Variants in RSRC1 observed in about 807,000 individuals in gnomAD.
RSRC1 encodes serine/Arginine-related protein 53.
Under a neutral mutation model 49.1 loss-of-function variants are expected in RSRC1, and 39 were observed. The observed-to-expected ratio is 0.79, with a 90% CI of 0.61 to 1.04. The LOEUF is 1.04. Ranked by LOEUF, RSRC1 falls within the 50% of genes least tolerant of loss-of-function variation. RSRC1 has a pLI of 0.00. For missense variants in RSRC1, 388 were observed against 402.4 expected (o/e 0.96, Z 0.31); for synonymous variants, 143 against 130.8 (o/e 1.09, Z -0.63).
At chr3:158,302,398 C>T (rs1727604815) in intron 5 of RSRC1, among the ~76,000 whole-genome samples, 1 of 151,868 alleles carries the variant, frequency 6.6e-6, no homozygotes, top group African/African-American at 2.4e-5. Context: ...TAATGTTGTG[C>T]TTAATTAGAT....
At chr3:158,155,206 G>T (rs537865198) in intron 3 of RSRC1, among the ~76,000 whole-genome samples, 1 of 152,094 alleles carries the variant, frequency 6.6e-6, no homozygotes, top group East Asian at 1.9e-4. Flanking sequence ...TTTCCAGAAG[G>T]TTTTCGATTT....
intron 4 of RSRC1, among the ~76,000 whole-genome samples, chr3:158,248,065 C>T (rs928392583): frequency 3.3e-5 from 5 of 152,152 alleles, no homozygotes; most frequent in South Asian, 2.1e-4. Context: ...CATTCCTCTT[C>T]GAGAGTGCTT....
chr3:158,229,171 CATAT>C (rs1204983521), intron 4 of RSRC1, among the ~76,000 whole-genome samples: 39 of 107,220 alleles, frequency 3.6e-4, no homozygotes, highest in African/African-American at 1.2e-3. Flanking sequence ...TGTATATAAA[CATAT>C]GTGTATGTGT....
At chr3:158,225,692 T>C (rs1350189654) in intron 4 of RSRC1, 2 of 453,784 alleles carry the variant, frequency 4.4e-6, no homozygotes, top group Admixed American at 4.8e-5. Flanking sequence ...AAAAAGAAAC[T>C]TACATCTAAC....
At chr3:158,153,269 C>T (rs908728480) in intron 3 of RSRC1, among the ~76,000 whole-genome samples, 1 of 152,162 alleles carries the variant, frequency 6.6e-6, no homozygotes, top group Non-Finnish European at 1.5e-5. Flanking sequence ...GCAACTCTTT[C>T]TCTTTGGAGA....
chr3:158,434,571 C>T (rs1735944028), intron 6 of RSRC1, among the ~76,000 whole-genome samples: 1 of 151,956 alleles, frequency 6.6e-6, no homozygotes, highest in South Asian at 2.1e-4. Context: ...TTCCAACAGA[C>T]AGAAGAAGCA....
intron 3 of RSRC1, among the ~76,000 whole-genome samples, chr3:158,154,557 C>T (rs1332022120): frequency 1.3e-5 from 2 of 150,830 alleles, no homozygotes; most frequent in Non-Finnish European, 3.0e-5. Context: ...CTCTGCCTCC[C>T]GGGTTCAAGC....
intron 6 of RSRC1, among the ~76,000 whole-genome samples, chr3:158,401,458 G>A (rs1173744698): frequency 3.9e-5 from 6 of 151,940 alleles, no homozygotes; most frequent in Non-Finnish European, 7.4e-5. Context: ...ACGGAGAAAC[G>A]TCTGGGTAAA....
At chr3:158,512,039 G>C (rs1740217410) in intron 7 of RSRC1, among the ~76,000 whole-genome samples, 1 of 144,918 alleles carries the variant, frequency 6.9e-6, no homozygotes, top group African/African-American at 2.5e-5. Flanking sequence ...AGATGAGTAG[G>C]TTGCGAAAAT....
intron 5 of RSRC1, among the ~76,000 whole-genome samples, chr3:158,330,336 C>A (rs1411886555): frequency 6.6e-6 from 1 of 152,220 alleles, no homozygotes; most frequent in Admixed American, 6.5e-5. Flanking sequence ...GAGCTGTAGA[C>A]TGGAGCTGTT....
At chr3:158,247,261 T>C (rs758460409) in intron 4 of RSRC1, among the ~76,000 whole-genome samples, 1 of 152,166 alleles carries the variant, frequency 6.6e-6, no homozygotes, top group Non-Finnish European at 1.5e-5. Flanking sequence ...GGCTGTCAGC[T>C]CCTGTATTGT....
intron 7 of RSRC1, among the ~76,000 whole-genome samples, chr3:158,478,234 G>T (rs979882416): frequency 1.3e-4 from 19 of 149,396 alleles, no homozygotes; most frequent in South Asian, 2.1e-4. Flanking sequence ...AGGTTTTGGG[G>T]TTTTTTTTTC....
chr3:158,311,918 G>A (rs560195468), intron 5 of RSRC1, among the ~76,000 whole-genome samples: 6 of 151,940 alleles, frequency 3.9e-5, no homozygotes, highest in Non-Finnish European at 4.4e-5. Context: ...TTAAAAGATA[G>A]TTAAGCTTCA....
intron 2 of RSRC1, among the ~76,000 whole-genome samples, chr3:158,122,886 A>G (rs182293899): frequency 6.6e-6 from 1 of 152,184 alleles, no homozygotes; most frequent in African/African-American, 2.4e-5. Context: ...AGCTTCATCT[A>G]TGTGCCTACA....
chr3:158,321,460 CATT>C (rs907804928), intron 5 of RSRC1, among the ~76,000 whole-genome samples: 2 of 151,520 alleles, frequency 1.3e-5, no homozygotes, highest in African/African-American at 4.8e-5. Context: ...TTATTTAAAA[CATT>C]GTAATCACAT....
chr3:158,541,739 T>C (rs1383345791), intron 8 of RSRC1, among the ~76,000 whole-genome samples: 1 of 151,962 alleles, frequency 6.6e-6, no homozygotes, highest in African/African-American at 2.4e-5. Context: ...CTCCTATTCA[T>C]CTTGTTTTTT....
intron 5 of RSRC1, chr3:158,303,503 TA>T (rs1727681231): frequency 1.3e-5 from 2 of 152,188 alleles, no homozygotes; most frequent in African/African-American, 4.8e-5. Flanking sequence ...GATTCTTGCT[TA>T]AAGCACATTC....
intron 3 of RSRC1, among the ~76,000 whole-genome samples, chr3:158,171,529 GA>G (rs983649423): frequency 6.6e-6 from 1 of 152,056 alleles, no homozygotes; most frequent in African/African-American, 2.4e-5. Flanking sequence ...CTTTTTAGTA[GA>G]GAAATATAAC....
At chr3:158,356,710 CT>C (rs780462165) in intron 6 of RSRC1, among the ~76,000 whole-genome samples, 51 of 152,036 alleles carry the variant, frequency 3.4e-4, no homozygotes, top group South Asian at 2.9e-3. Context: ...TTTGCAGCTC[CT>C]AATTGAGTAT....
Sources: allele counts gnomAD v4.1 joint callset (sites outside exome capture counted in the v4.1 genomes callset), GRCh38; gene constraint gnomAD v4.1.1; transcripts MANE v1.5; gene names NCBI Gene and HGNC (gene_info 2026-07-23, HGNC 2026-07-21).